The following CDIPT variants were observed in gnomAD, a reference collection of about 807,000 sequenced individuals.
The protein encoded by CDIPT is CDP-diacylglycerol--inositol 3-phosphatidyltransferase.
CDIPT carries 17 observed loss-of-function variants against 21.6 expected under a neutral mutation model. The observed-to-expected ratio is 0.79, with a 90% CI of 0.54 to 1.18. The LOEUF (loss-of-function observed/expected upper bound fraction) is 1.18, where lower values mean the gene tolerates loss of function less well. Ranked by LOEUF, CDIPT falls within the 50% of genes most tolerant of loss-of-function variation. The pLI is 0.00. For synonymous variants in CDIPT, 119 were observed against 117.9 expected (o/e 1.01, Z -0.06); for missense variants, 254 against 284.9 (o/e 0.89, Z 0.78).
rs776179466 is a variant in CDIPT at position 29,859,542 on chromosome 16, G to C, written c.415-19C>G. 1.3e-6 allele frequency: 2 copies of C among 1,593,280 alleles called. No homozygotes were observed. Among genetic ancestry groups the C allele is most frequent in the Non-Finnish European group, 1.7e-6 (2 of 1,162,142 alleles). On this transcript the variant is annotated intron_variant, in intron 4 of 5. Coordinates refer to ENST00000219789, the MANE Select transcript of CDIPT (RefSeq NM_006319.5). This position sits in a 1 kb window ranked among gnomAD's most constrained non-coding sequence, Gnocchi z 4.5. Reference sequence around the variant, plus strand: ...GAGCAGGCTGCACACACAGCAAACAGGCCACGTTAGCAAGAGGCAGGCGTG... The same window carrying C: ...GAGCAGGCTGCACACACAGCAAACACGCCACGTTAGCAAGAGGCAGGCGTG...
rs1331701750 is a variant in CDIPT, at chr16:29,859,753, C to T, written c.415-230G>A. On this transcript the variant is annotated intron_variant, in intron 4 of 5. Transcript: ENST00000219789. The surrounding 1 kb of genome is among the most constrained non-coding windows in gnomAD (Gnocchi z 4.5). ...CAGGCGTGTGGCTCATGCCTGGAGT[C>T]CCAGCACTTTGGGAGGCTGAGACAG... Among the ~76,000 whole-genome samples the T allele has an allele frequency of 6.6e-6, 1 of 152,108 alleles. No individual in the cohort carries two copies. The highest frequency in any genetic ancestry group is 2.4e-5 in the African/African-American group (1 of 41,412).
chr16:29,862,588 T>C lies in CDIPT; in HGVS notation c.176A>G (p.Gln59Arg). ...TGGCTGAGAGGGGTGTCTGTCACCT[T>C]GATTAAGAGCGCGAGCAGCGTGTCC... ...FDGHAARALNQGTRFGAMLDM... is the reference protein window; with the variant it reads ...FDGHAARALNRGTRFGAMLDM... Residue 59 changes from glutamine (Q) to arginine (R), a missense_variant and splice_region_variant, in exon 2 of 6, where the codon CAA becomes CGA. Physicochemically the swap from Gln to Arg is conservative, Grantham distance 43 (BLOSUM62 1). Transcript: ENST00000219789. This position sits in a 1 kb window ranked among gnomAD's most constrained non-coding sequence, Gnocchi z 6.7. 1.3e-6 allele frequency: 2 copies of C among 1,570,834 alleles called. No individual in the cohort carries two copies. The highest frequency in any genetic ancestry group is 1.7e-6 in the Non-Finnish European group (2 of 1,157,766).
chr16:29,861,671 C>T (rs1341098955), intron 2 of CDIPT: 1 of 625,332 alleles, frequency 1.6e-6, no homozygotes, highest in Non-Finnish European at 2.8e-6. Flanking sequence ...GGAACCCCAA[C>T]TGCTTATGCA....
rs539864508 is a variant in CDIPT, at chr16:29,860,143, G to A, written c.414+438C>T. ...GATTTTGTGTGTGTGTGGAAACAGA[G>A]TCTCACTTTGTTGCCCAGGCTGGTC... is the stretch of plus-strand genomic sequence containing the variant. On this transcript the variant is annotated intron_variant, in intron 4 of 5. Transcript: ENST00000219789. Among the ~76,000 whole-genome samples, 6 of 152,226 alleles carry A rather than the reference G, an allele frequency of 3.9e-5. No homozygotes were observed. The South Asian group carries it at 1.2e-3, about 32-fold the overall frequency.
rs1256714183 is a variant in CDIPT, at chr16:29,860,469, C to A, written c.414+112G>T. 2.0e-5 allele frequency: 14 copies of A among 701,074 alleles called. No homozygotes were observed. In the East Asian group the frequency reaches 3.5e-4, roughly 18 times the overall value. 43.4% of individuals were successfully genotyped at this position (701,074 alleles called of 1,614,324 possible). On this transcript the variant is annotated intron_variant, in intron 4 of 5. Transcript: ENST00000219789. ...CTTACGGGCCCTCCTCCTGGAGTGA[C>A]TGGGCAGGCCCTGCTCTGCGCCCTC...
Position 29,862,925 on chromosome 16 carries a change from G to T in CDIPT, c.-68C>A. 3 of 1,578,606 alleles carry T rather than the reference G, an allele frequency of 1.9e-6. No individual in the cohort carries two copies. Among genetic ancestry groups the T allele is most frequent in the Non-Finnish European group, 2.6e-6 (3 of 1,150,578 alleles). On this transcript the variant is annotated 5_prime_UTR_variant, in exon 1 of 6. Transcript: ENST00000219789. This position sits in a 1 kb window ranked among gnomAD's most constrained non-coding sequence, Gnocchi z 6.7. ...CAGTGCTGTCCCAGCCCCGCAGCGCGGCCTCAGCCTCCGGCCCGGCGCATC... is the reference window on the plus strand; with the variant it reads ...CAGTGCTGTCCCAGCCCCGCAGCGCTGCCTCAGCCTCCGGCCCGGCGCATC...
chr16:29,862,977 C>A lies in CDIPT; in HGVS notation c.-120G>T. ...GCCGCACCACCTGCGCCCTGGACCC[C>A]GCCGCCCCAACCTGGCCCCAGATGC... is the stretch of plus-strand genomic sequence containing the variant. On this transcript the variant is annotated 5_prime_UTR_variant, in exon 1 of 6. Transcript: ENST00000219789. The surrounding 1 kb of genome is among the most constrained non-coding windows in gnomAD (Gnocchi z 6.7). The A allele has an allele frequency of 8.5e-7, 1 of 1,170,820 alleles. No homozygotes were observed. Among genetic ancestry groups the A allele is most frequent in the Non-Finnish European group, 1.3e-6 (1 of 790,506 alleles). The allele number at this position is 1,170,820 out of a possible 1,614,324, so 72.5% of individuals were successfully genotyped here. A position where few individuals can be genotyped will look rare whatever the true frequency, so the allele number is the denominator to read the frequency against.
At position 29,859,515 on chromosome 16, in the gene CDIPT, C is replaced by A. The variant is rs139074047; in HGVS notation, c.423G>T (p.Leu141=). Residue 141 remains leucine (L), a synonymous_variant, in exon 5 of 6, where the codon CTG becomes CTT. Transcript: ENST00000219789. The surrounding 1 kb of genome is among the most constrained non-coding windows in gnomAD (Gnocchi z 4.5). ...LRIYYTSRPA[L]FTLCAGNELF... ...GCTCATTCCCAGCACACAAGGTGAACAGAGCAGGCTGCACACACAGCAAAC... is the reference window on the plus strand; with the variant it reads ...GCTCATTCCCAGCACACAAGGTGAAAAGAGCAGGCTGCACACACAGCAAAC... 111 of 1,612,724 alleles carry A rather than the reference C, an allele frequency of 6.9e-5. No individual in the cohort carries two copies. The African/African-American group carries it at 1.4e-3, about 21-fold the overall frequency.
At chr16:29,861,531 A>G in intron 2 of CDIPT, 1 of 1,529,052 alleles carries the variant, frequency 6.5e-7, no homozygotes, top group South Asian at 1.2e-5. Flanking sequence ...CCAAGACTCC[A>G]GGGCTAGATA....
rs763751123 is a variant in CDIPT at position 29,859,585 on chromosome 16, C to A, written c.415-62G>T. 4.3e-4 allele frequency: 468 copies of A among 1,083,256 alleles called. 1 individual carries two copies. The highest frequency in any genetic ancestry group is 6.0e-4 in the Non-Finnish European group (421 of 705,060). 67.1% of individuals were successfully genotyped at this position (1,083,256 alleles called of 1,614,324 possible). On this transcript the variant is annotated intron_variant, in intron 4 of 5. Coordinates refer to ENST00000219789, the MANE Select transcript of CDIPT (RefSeq NM_006319.5). This position sits in a 1 kb window ranked among gnomAD's most constrained non-coding sequence, Gnocchi z 4.5. Reference sequence around the variant, plus strand: ...CAGGCGTGTGCCACCCCCTGCCCCCCCAGCACTAATGAAGGCACAATCTCG... The same window carrying A: ...CAGGCGTGTGCCACCCCCTGCCCCCACAGCACTAATGAAGGCACAATCTCG...
In CDIPT at chr16:29,859,585, C is replaced by T. The variant is rs763751123; in HGVS notation, c.415-62G>A. The T allele has an allele frequency of 9.2e-7, 1 of 1,083,256 alleles. No homozygotes were observed. Among genetic ancestry groups the T allele is most frequent in the South Asian group, 1.3e-5 (1 of 78,198 alleles). 67.1% of individuals were successfully genotyped at this position (1,083,256 alleles called of 1,614,324 possible). A position where few individuals can be genotyped will look rare whatever the true frequency, so the allele number is the denominator to read the frequency against. Reference sequence around the variant, plus strand: ...CAGGCGTGTGCCACCCCCTGCCCCCCCAGCACTAATGAAGGCACAATCTCG... The same window carrying T: ...CAGGCGTGTGCCACCCCCTGCCCCCTCAGCACTAATGAAGGCACAATCTCG... On this transcript the variant is annotated intron_variant, in intron 4 of 5. Coordinates refer to ENST00000219789, the MANE Select transcript of CDIPT (RefSeq NM_006319.5). The surrounding 1 kb of genome is among the most constrained non-coding windows in gnomAD (Gnocchi z 4.5).
At position 29,860,546 on chromosome 16, in the gene CDIPT, G is replaced by A. The variant is rs746133972; in HGVS notation, c.414+35C>T. The A allele has an allele frequency of 3.6e-6, 5 of 1,398,714 alleles. No individual in the cohort carries two copies. The African/African-American group carries it at 7.1e-5, about 20-fold the overall frequency. The allele number at this position is 1,398,714 out of a possible 1,614,324, so 86.6% of individuals were successfully genotyped here. A position where few individuals can be genotyped will look rare whatever the true frequency, so the allele number is the denominator to read the frequency against. On this transcript the variant is annotated intron_variant, in intron 4 of 5. Transcript: ENST00000219789. ...TCAGCCCAGGGCTTCCCACAGCCAA[G>A]AGCCTGAGGGGTGGGGTGTGCAGGA...
In CDIPT at chr16:29,862,551, G is replaced by A; in HGVS notation, c.178+35C>T. The A allele has an allele frequency of 6.4e-7, 1 of 1,551,330 alleles. No homozygotes were observed. The highest frequency in any genetic ancestry group is 8.7e-7 in the Non-Finnish European group (1 of 1,146,726). On this transcript the variant is annotated intron_variant, in intron 2 of 5. Transcript: ENST00000219789. The surrounding 1 kb of genome is among the most constrained non-coding windows in gnomAD (Gnocchi z 6.7). The stretch of plus-strand genomic sequence containing the variant: ...CAGGGGAAGGGAGGAGGGGATTGTT[G>A]AACCCCAAGGCTGGCTGAGAGGGGT...
At position 29,859,448 on chromosome 16, in the gene CDIPT, G is replaced by T; in HGVS notation, c.490C>A (p.Pro164Thr). 2 of 1,612,266 alleles carry T rather than the reference G, an allele frequency of 1.2e-6. No individual in the cohort carries two copies. The highest frequency in any genetic ancestry group is 2.2e-5 in the East Asian group (1 of 44,850). Residue 164 changes from proline to threonine, a missense_variant, in exon 5 of 6, where the codon CCT (proline) becomes ACT (threonine). Coordinates refer to ENST00000219789, the MANE Select transcript of CDIPT (RefSeq NM_006319.5). The surrounding 1 kb of genome is among the most constrained non-coding windows in gnomAD (Gnocchi z 4.5). Reference protein sequence around the residue: ...LLYLFHFSEGPLVGSVGLFRM... With the variant: ...LLYLFHFSEGTLVGSVGLFRM... ...CCAGCCCCTCATCTCCTACCTAAAG[G>T]TCCCTCAGAGAAATGGAACAGGTAG...
intron 2 of CDIPT, chr16:29,861,471 A>C: frequency 6.5e-7 from 1 of 1,536,550 alleles, no homozygotes; most frequent in South Asian, 1.2e-5. Context: ...AGTGGAGGGA[A>C]CAGGGTAGGA....
chr16:29,858,358 C>A lies in CDIPT; in HGVS notation c.*831G>T, dbSNP rs2067647538. ...AGGACCACACTCTGAGAAACCAACT[C>A]ATTGACAGACGAGTATTTATTAAGC... is the stretch of plus-strand genomic sequence containing the variant. On this transcript the variant is annotated 3_prime_UTR_variant, in exon 6 of 6. Transcript: ENST00000219789. The A allele has an allele frequency of 6.6e-6, 1 of 151,756 alleles. No individual in the cohort carries two copies. The highest frequency in any genetic ancestry group is 2.4e-5 in the African/African-American group (1 of 41,314). 9.4% of individuals were successfully genotyped at this position (151,756 alleles called of 1,614,324 possible).
Position 29,862,932 on chromosome 16 carries a change from G to T in CDIPT, c.-75C>A. The T allele has an allele frequency of 6.4e-7, 1 of 1,562,316 alleles. No homozygotes were observed. Among genetic ancestry groups the T allele is most frequent in the Non-Finnish European group, 8.8e-7 (1 of 1,135,956 alleles). On this transcript the variant is annotated 5_prime_UTR_variant, in exon 1 of 6. In the 5' UTR this introduces an upstream ATG that the reference lacks. Transcript: ENST00000219789. This position sits in a 1 kb window ranked among gnomAD's most constrained non-coding sequence, Gnocchi z 6.7. Reference sequence around the variant, plus strand: ...GTCCCAGCCCCGCAGCGCGGCCTCAGCCTCCGGCCCGGCGCATCGGCCGCA... The same window carrying T: ...GTCCCAGCCCCGCAGCGCGGCCTCATCCTCCGGCCCGGCGCATCGGCCGCA...
chr16:29,861,633 C>G, intron 2 of CDIPT: 1 of 771,474 alleles, frequency 1.3e-6, no homozygotes, highest in Non-Finnish European at 2.1e-6. Flanking sequence ...ACCCTTCCCT[C>G]TCCATCCTCC....
rs895598985 is a variant in CDIPT at position 29,859,096 on chromosome 16, G to A, written c.*93C>T. On this transcript the variant is annotated 3_prime_UTR_variant, in exon 6 of 6. Transcript: ENST00000219789. This position sits in a 1 kb window ranked among gnomAD's most constrained non-coding sequence, Gnocchi z 4.5. ...AGGTAGAACAACACATGAGGAAGGC[G>A]TGAGACTGGGACCTCCTAGCAGGGG... 5.1e-6 allele frequency: 7 copies of A among 1,360,228 alleles called. No individual in the cohort carries two copies. In the East Asian group the frequency reaches 7.4e-5, roughly 14 times the overall value. The allele number at this position is 1,360,228 out of a possible 1,614,324, so 84.3% of individuals were successfully genotyped here.
Sources: allele counts gnomAD v4.1 joint callset (sites outside exome capture counted in the v4.1 genomes callset), GRCh38; gene constraint gnomAD v4.1.1; non-coding constraint Gnocchi (gnomAD v3.1); transcripts MANE v1.5; gene names NCBI Gene and HGNC (gene_info 2026-07-23, HGNC 2026-07-21).